Variants in NRG2 observed in about 807,000 individuals in gnomAD.
The protein encoded by NRG2 is pro-neuregulin-2, membrane-bound isoform.
A neutral mutation model predicts 73.9 loss-of-function variants in NRG2; 27 were observed. The observed-to-expected ratio is 0.37, with a 90% confidence interval of 0.27 to 0.50. The LOEUF (loss-of-function observed/expected upper bound fraction) is 0.50. NRG2 is among the 20% of genes least tolerant of loss of function. The pLI, the probability that NRG2 is intolerant of heterozygous loss-of-function variation, is 0.96. For synonymous variants in NRG2, 532 were observed against 541.0 expected (o/e 0.98, Z 0.23); for missense variants, 1,126 against 1,210.1 (o/e 0.93, Z 1.03).
chr5:139,993,208 AT>A (rs1428937189), intron 1 of NRG2, among the ~76,000 whole-genome samples: 1 of 152,158 alleles, frequency 6.6e-6, no homozygotes, highest in Non-Finnish European at 1.5e-5. Flanking sequence ...ATCAGATCAT[AT>A]CATTTCCCTC....
intron 1 of NRG2, among the ~76,000 whole-genome samples, chr5:139,914,581 CCT>C (rs1427861128): frequency 1.3e-5 from 2 of 152,234 alleles, no homozygotes; most frequent in Non-Finnish European, 2.9e-5. Context: ...CCATTCTCAA[CCT>C]CTCTCATTCA....
chr5:139,947,759 T>G (rs1753905871), intron 1 of NRG2, among the ~76,000 whole-genome samples: 1 of 152,218 alleles, frequency 6.6e-6, no homozygotes, highest in Non-Finnish European at 1.5e-5. Context: ...AGGTGTGAAG[T>G]GGTATATCAT....
Position 139,929,880 on chromosome 5 carries a change from C to T in NRG2, c.701-42369G>A, listed in dbSNP as rs184812628. Among the ~76,000 whole-genome samples the T allele has an allele frequency of 1.1e-4, 17 of 152,244 alleles. No individual in the cohort carries two copies. In the East Asian group the frequency reaches 2.5e-3, roughly 22 times the overall value. ...GTGAGAAAGTGACTGATATTTCAAT[C>T]GATTCTGACTTTACCTTGGAGAAAA... On this transcript the variant is annotated intron_variant, in intron 1 of 9. Coordinates refer to ENST00000361474, the MANE Select transcript of NRG2 (RefSeq NM_004883.3).
rs77660991 is a variant in NRG2 at position 139,870,481 on chromosome 5, G to A, written c.1112+1240C>T. 0.02 allele frequency among the ~76,000 whole-genome samples: 3,065 copies of A among 152,262 alleles called. 112 individuals carry two copies. Among genetic ancestry groups the A allele is most frequent in the African/African-American group, 0.069 (2,868 of 41,546 alleles). The stretch of plus-strand genomic sequence containing the variant: ...CTTCTCAGACCAGGCTCACATTCCC[G>A]GGCAAGGGTGTGCCCAGGAAGGGGG... On this transcript the variant is annotated intron_variant, in intron 4 of 9. Transcript: ENST00000361474. The surrounding 1 kb of genome is among the most constrained non-coding windows in gnomAD (Gnocchi z 4.4).
intron 1 of NRG2, among the ~76,000 whole-genome samples, chr5:139,919,001 C>CAAAGT (rs1751471579): frequency 6.6e-6 from 1 of 152,158 alleles, no homozygotes; most frequent in Non-Finnish European, 1.5e-5. Context: ...GTAGCAAACA[C>CAAAGT]TGAATAAAGA....
intron 4 of NRG2, among the ~76,000 whole-genome samples, chr5:139,867,801 AGTGTGTGTGTGTGTGTGTGTGTGT>A (rs1202470798): frequency 1.3e-5 from 1 of 79,458 alleles, no homozygotes; most frequent in African/African-American, 5.1e-5. Flanking sequence ...TGTGTGTATG[AGTGTGTGTGTGTGTGTGTGTGTGT>A]GTGTGTGTGT....
At chr5:139,895,770 G>A (rs1764508837) in intron 1 of NRG2, among the ~76,000 whole-genome samples, 1 of 152,234 alleles carries the variant, frequency 6.6e-6, no homozygotes, top group African/African-American at 2.4e-5. Context: ...GCTGCTGAGG[G>A]CAGAGGTCGG....
At chr5:139,974,002 G>C (rs1734337177) in intron 1 of NRG2, among the ~76,000 whole-genome samples, 1 of 151,972 alleles carries the variant, frequency 6.6e-6, no homozygotes. Flanking sequence ...TCTTCTTTTT[G>C]ATTACCCATA....
chr5:139,927,478 C>T (rs570067238), intron 1 of NRG2, among the ~76,000 whole-genome samples: 8 of 152,220 alleles, frequency 5.3e-5, no homozygotes, highest in Admixed American at 5.2e-4. Flanking sequence ...GGGATAGCTC[C>T]TTAAAGAATG....
intron 6 of NRG2, among the ~76,000 whole-genome samples, chr5:139,854,412 C>T (rs1761684793): frequency 6.6e-6 from 1 of 152,272 alleles, no homozygotes; most frequent in African/African-American, 2.4e-5. Context: ...ACCACTTGTT[C>T]AGAGCACCGG....
In NRG2 at chr5:139,992,051, C is replaced by T. The variant is rs147274417; in HGVS notation, c.700+50319G>A. ...AATCCTTACCAGGTAACATAAAAAACGCTGTAGGTCAAATAGGGTAGAATT... is the reference window on the plus strand; with the variant it reads ...AATCCTTACCAGGTAACATAAAAAATGCTGTAGGTCAAATAGGGTAGAATT... On this transcript the variant is annotated intron_variant, in intron 1 of 9. Coordinates refer to ENST00000361474, the MANE Select transcript of NRG2 (RefSeq NM_004883.3). Among the ~76,000 whole-genome samples the T allele has an allele frequency of 1.2e-3, 184 of 152,214 alleles. 1 individual carries two copies. The highest frequency in any genetic ancestry group is 2.4e-3 in the Non-Finnish European group (162 of 68,014).
intron 1 of NRG2, among the ~76,000 whole-genome samples, chr5:139,925,904 AG>A (rs1752023583): frequency 6.6e-6 from 1 of 152,200 alleles, no homozygotes; most frequent in African/African-American, 2.4e-5. Flanking sequence ...TCTCCCAAGC[AG>A]CTCATCCATG....
chr5:139,867,101 C>T lies in NRG2; in HGVS notation c.1113-1476G>A, dbSNP rs150246722. Among the ~76,000 whole-genome samples the T allele has an allele frequency of 1.8e-3, 277 of 152,326 alleles. 1 individual carries two copies. Among genetic ancestry groups the T allele is most frequent in the Middle Eastern group, 3.4e-3 (1 of 294 alleles). ...GAGGCAAGTGTACTCTATTTCTTAG[C>T]ATTGCAGTATATAGCAACTGTCAGG... On this transcript the variant is annotated intron_variant, in intron 4 of 9. Transcript: ENST00000361474.
At chr5:139,902,301 C>T (rs73271443) in intron 1 of NRG2, among the ~76,000 whole-genome samples, 6,009 of 152,304 alleles carry the variant, frequency 0.039, 389 homozygotes, top group African/African-American at 0.14. Flanking sequence ...ACCTGCAGTT[C>T]AGCCCCAGCC....
At chr5:139,881,108 C>A (rs184536431) in intron 2 of NRG2, 134 bp from the exon 3 acceptor site, 4 of 686,240 alleles carry the variant, frequency 5.8e-6, no homozygotes, top group African/African-American at 5.3e-5. Flanking sequence ...GAGATTCCCT[C>A]CCCCCAGCAA....
At chr5:139,990,043 C>T (rs996777402) in intron 1 of NRG2, among the ~76,000 whole-genome samples, 1 of 151,704 alleles carries the variant, frequency 6.6e-6, no homozygotes, top group African/African-American at 2.4e-5. Flanking sequence ...CCACCTCGGC[C>T]TCCCAAAGTG....
In NRG2 at chr5:139,851,545, G is replaced by T. The variant is rs1761416573; in HGVS notation, c.1772+59C>A. On this transcript the variant is annotated intron_variant, in intron 9 of 9. Transcript: ENST00000361474. The surrounding 1 kb of genome is among the most constrained non-coding windows in gnomAD (Gnocchi z 4.2). ...CTGAGGGGCCCTAAGGGTCAGCCTT[G>T]GGCCAGTGGTGCCAGCCCTCTGGCT... The T allele has an allele frequency of 6.5e-7, 1 of 1,534,990 alleles. No individual in the cohort carries two copies.
intron 1 of NRG2, among the ~76,000 whole-genome samples, chr5:139,934,016 T>A (rs1185830834): frequency 3.9e-5 from 6 of 152,074 alleles, no homozygotes; most frequent in Non-Finnish European, 8.8e-5. Flanking sequence ...CTGGAAAACA[T>A]GGAGAAACCT....
chr5:139,928,187 G>C (rs1018068916), intron 1 of NRG2, among the ~76,000 whole-genome samples: 2 of 152,178 alleles, frequency 1.3e-5, no homozygotes, highest in African/African-American at 2.4e-5. Flanking sequence ...ACGAGAACAA[G>C]TGAGCATGAA....
Sources: gnomAD v4.1 joint callset for allele counts (sites outside exome capture counted in the v4.1 genomes callset) on GRCh38, gnomAD v4.1.1 for gene constraint, Gnocchi (gnomAD v3.1) non-coding constraint, MANE v1.5 for transcripts, NCBI Gene and HGNC (gene_info 2026-07-23, HGNC 2026-07-21) for gene names.